DELE1: variants seen among roughly 807,000 people sequenced by gnomAD.
The protein encoded by DELE1 is DAP3 binding cell death enhancer 1.
Under a neutral mutation model 59.3 loss-of-function variants are expected in DELE1, and 54 were observed. The observed-to-expected ratio is 0.91, with a 90% confidence interval of 0.73 to 1.14. The LOEUF (loss-of-function observed/expected upper bound fraction) is 1.14. DELE1 is among the 50% of genes most tolerant of loss of function. The probability of loss-of-function intolerance (pLI) is 0.00; values close to 1 mark genes in which losing one functional copy is unlikely to be tolerated. For missense variants in DELE1, 636 were observed against 643.9 expected, an observed-to-expected ratio of 0.99 and a Z score of 0.13; for synonymous variants, 264 against 259.1, an observed-to-expected ratio of 1.02 and a Z score of -0.18.
chr5:141,924,495 T>G, intron 1 of DELE1, 86 bp from the exon 2 acceptor site: 1 of 784,824 alleles, frequency 1.3e-6, no homozygotes, highest in South Asian at 1.4e-5. Flanking sequence ...CCCATGTGTA[T>G]CCATGTTTAA....
rs897533131 is a variant in DELE1 at position 141,930,626 on chromosome 5, G to A, written c.754+352G>A. ...GAATATAGGCACATGGCCACACCTC[G>A]CCACAGAGGAGACTAGTTACTGTGT... On this transcript the variant is annotated intron_variant, in intron 7 of 11. Transcript: ENST00000432126. 3.3e-5 allele frequency among the ~76,000 whole-genome samples: 5 copies of A among 152,146 alleles called. No homozygotes were observed. In the East Asian group the frequency reaches 9.6e-4, roughly 29 times the overall value.
chr5:141,927,207 A>G (rs1751492578), intron 3 of DELE1, among the ~76,000 whole-genome samples: 1 of 152,196 alleles, frequency 6.6e-6, no homozygotes, highest in Non-Finnish European at 1.5e-5. Context: ...GCCTGGAGCA[A>G]CAAGTAAGTA....
In DELE1 at chr5:141,934,327, T is replaced by C; in HGVS notation, c.985T>C (p.Ser329Pro). The stretch of plus-strand genomic sequence containing the variant: ...CAGGTGCCTACTACGAGACCCAGCC[T>C]CTTCGTGGAACCCTGAGCGGCAGAG... ...YARCLLRDPA[S>P]SWNPERQRAV... The change falls in exon 9 of 12, where the codon TCT (serine) becomes CCT (proline). Residue 329 changes from serine to proline, a missense_variant. Coordinates refer to ENST00000432126, the MANE Select transcript of DELE1 (RefSeq NM_014773.5). 2 of 1,614,190 alleles carry C rather than the reference T, an allele frequency of 1.2e-6. No individual in the cohort carries two copies. Among genetic ancestry groups the C allele is most frequent in the Non-Finnish European group, 1.7e-6 (2 of 1,180,028 alleles).
Position 141,923,965 on chromosome 5 carries a change from G to T in DELE1, c.24G>T (p.Leu8=). 1 of 1,610,012 alleles carries T rather than the reference G, an allele frequency of 6.2e-7. No homozygotes were observed. Among genetic ancestry groups the T allele is most frequent in the Non-Finnish European group, 8.5e-7 (1 of 1,178,406 alleles). The change falls in exon 1 of 12, where the codon CTG becomes CTT. Residue 8 remains leucine (L), a synonymous_variant. Coordinates refer to ENST00000432126, the MANE Select transcript of DELE1 (RefSeq NM_014773.5). MWRLPGL[L]GRALPRTLGP... ...ACATGTGGCGCCTCCCGGGACTCCT[G>T]GGCCGAGGTAAGGGACGTCCAAGCA... is the stretch of plus-strand genomic sequence containing the variant.
Position 141,925,446 on chromosome 5 carries a change from A to C in DELE1, c.183A>C (p.Pro61=), listed in dbSNP as rs1751321175. 1.2e-6 allele frequency: 2 copies of C among 1,602,852 alleles called. No homozygotes were observed. Among genetic ancestry groups the C allele is most frequent in the Admixed American group, 1.7e-5 (1 of 58,382 alleles). ...GPHGPGTSGG[P]RSHGWKDAFQ... ...ATGGCCCAGGCACGAGCGGGGGTCC[A>C]AGGTCCCATGGATGGAAGGATGCCT... is the stretch of plus-strand genomic sequence containing the variant. Residue 61 remains proline (P), a synonymous_variant, in exon 3 of 12, where the codon CCA becomes CCC. Transcript: ENST00000432126.
At chr5:141,926,859 C>A (rs1751464886) in intron 3 of DELE1, among the ~76,000 whole-genome samples, 3 of 152,244 alleles carry the variant, frequency 2.0e-5, no homozygotes, top group African/African-American at 7.2e-5. Context: ...GTCCCAATGC[C>A]ATCCCTGTGC....
chr5:141,924,764 G>GAT, intron 2 of DELE1, 69 bp downstream of exon 2: 1 of 720,768 alleles, frequency 1.4e-6, no homozygotes, highest in Non-Finnish European at 2.0e-6. Flanking sequence ...TTTTTTTTTT[G>GAT]TTGTTTTTTG....
At chr5:141,936,984 G>A (rs1752411895) in intron 10 of DELE1, 49 of 1,402,704 alleles carry the variant, frequency 3.5e-5, no homozygotes, top group Non-Finnish European at 4.5e-5. Context: ...AATCTCCCTG[G>A]GTGGAGGGAT....
At chr5:141,934,131 C>CTT in intron 8 of DELE1, 109 bp from the exon 9 acceptor site, 1 of 864,008 alleles carries the variant, frequency 1.2e-6, no homozygotes, top group Non-Finnish European at 1.6e-6. Flanking sequence ...TCTGACTAGT[C>CTT]TATAATTATT....
chr5:141,934,264 G>T lies in DELE1; in HGVS notation c.922G>T (p.Ala308Ser), dbSNP rs1344482744. 1 of 1,611,294 alleles carries T rather than the reference G, an allele frequency of 6.2e-7. No individual in the cohort carries two copies. The highest frequency in any genetic ancestry group is 8.5e-7 in the Non-Finnish European group (1 of 1,178,092). Residue 308 changes from alanine (A) to serine (S), a missense_variant, in exon 9 of 12, where the codon GCC becomes TCC. Transcript: ENST00000432126. ...SKAVLYYQLA[A>S]SQGHSLAQYR... ...GGCGGTCCTTTATTATCAGTTGGCTGCCAGCCAGGGCCACAGCCTGGCTCA... is the reference window on the plus strand; with the variant it reads ...GGCGGTCCTTTATTATCAGTTGGCTTCCAGCCAGGGCCACAGCCTGGCTCA...
intron 10 of DELE1, among the ~76,000 whole-genome samples, chr5:141,935,917 G>T (rs1211214764): frequency 1.3e-5 from 2 of 152,196 alleles, no homozygotes; most frequent in African/African-American, 4.8e-5. Context: ...GGCCTTACGT[G>T]TGTCCACTGC....
intron 7 of DELE1, among the ~76,000 whole-genome samples, chr5:141,932,455 G>A (rs1561515990): frequency 6.6e-6 from 1 of 152,160 alleles, no homozygotes; most frequent in Non-Finnish European, 1.5e-5. Flanking sequence ...AACATAAAAG[G>A]AATCTATTGG....
chr5:141,928,320 C>T, intron 4 of DELE1, 22 bp downstream of exon 4: 2 of 1,608,726 alleles, frequency 1.2e-6, no homozygotes, highest in South Asian at 1.1e-5. Flanking sequence ...GTCCTGGGGA[C>T]AGGAGGGCTG....
chr5:141,926,127 C>T (rs537286938), intron 3 of DELE1, among the ~76,000 whole-genome samples: 128 of 152,240 alleles, frequency 8.4e-4, no homozygotes, highest in African/African-American at 2.9e-3. Flanking sequence ...ACCCACCCAC[C>T]GCGGCCTCCC....
At chr5:141,934,769 G>A (rs1269238438) in intron 10 of DELE1, 183 bp downstream of exon 10, 1 of 614,126 alleles carries the variant, frequency 1.6e-6, no homozygotes, top group East Asian at 2.8e-5. Flanking sequence ...GTACGCCAGA[G>A]CTGGCTTGCA....
rs761459900 is a variant in DELE1, at chr5:141,933,392, C to T, written c.888C>T (p.Asp296=). The T allele has an allele frequency of 2.7e-6, 4 of 1,498,386 alleles. No homozygotes were observed. In the East Asian group the frequency reaches 9.8e-5, roughly 37 times the overall value. The allele number at this position is 1,498,386 out of a possible 1,614,324, so 92.8% of individuals were successfully genotyped here. Residue 296 remains aspartate (D), a synonymous_variant, in exon 8 of 12, where the codon GAC becomes GAT. Coordinates refer to ENST00000432126, the MANE Select transcript of DELE1 (RefSeq NM_014773.5). ...AGCATGGCAGAGGCACCCCCAGGGA[C>T]ATTAGCAAGGTATTCCCCTGCCCCC... ...CHEHGRGTPR[D]ISKAVLYYQL...
At position 141,934,401 on chromosome 5, in the gene DELE1, G is replaced by A. The variant is rs1240220395; in HGVS notation, c.1056+3G>A. On this transcript the variant is annotated splice_donor_region_variant and intron_variant, in intron 9 of 11. Transcript: ENST00000432126. The stretch of plus-strand genomic sequence containing the variant: ...CTGCAGACTCAGGCTTGAGAGAGGT[G>A]AGTGCCATTGGCAGGGTCTGTTCAA... The A allele has an allele frequency of 7.4e-6, 12 of 1,614,124 alleles. No individual in the cohort carries two copies. In the East Asian group the frequency reaches 2.0e-4, roughly 27 times the overall value.
In DELE1 at chr5:141,939,405, G is replaced by A. The variant is rs138061057; in HGVS notation, c.*646G>A. 1.0e-6 allele frequency: 1 copy of A among 985,732 alleles called. No individual in the cohort carries two copies. The highest frequency in any genetic ancestry group is 1.1e-4 in the East Asian group (1 of 8,810). 61.1% of individuals were successfully genotyped at this position (985,732 alleles called of 1,614,324 possible). On this transcript the variant is annotated 3_prime_UTR_variant, in exon 12 of 12. Coordinates refer to ENST00000432126, the MANE Select transcript of DELE1 (RefSeq NM_014773.5). ...TGGTTCCATGAATGGCTGACACTTA[G>A]GAAACTCTGAATTAGGCCATCCTCG...
At position 141,929,673 on chromosome 5, in the gene DELE1, A is replaced by G; in HGVS notation, c.504A>G (p.Ser168=). 1 of 1,614,222 alleles carries G rather than the reference A, an allele frequency of 6.2e-7. No individual in the cohort carries two copies. The highest frequency in any genetic ancestry group is 8.5e-7 in the Non-Finnish European group (1 of 1,180,030). The change falls in exon 5 of 12, where the codon TCA becomes TCG. Residue 168 remains serine (S), a synonymous_variant. Transcript: ENST00000432126. ...CCAGGCTTGGCCAGGAAGAAGCCTCAGCTCAGCCCCGGAACTTCTCACACA... is the reference window on the plus strand; with the variant it reads ...CCAGGCTTGGCCAGGAAGAAGCCTCGGCTCAGCCCCGGAACTTCTCACACA... The part of the protein sequence containing the change: ...REPRLGQEEA[S]AQPRNFSHNS...
Sources: gnomAD v4.1 joint callset for allele counts (sites outside exome capture counted in the v4.1 genomes callset) on GRCh38, gnomAD v4.1.1 for gene constraint, MANE v1.5 for transcripts, NCBI Gene and HGNC (gene_info 2026-07-23, HGNC 2026-07-21) for gene names.